Variants in BTBD9 observed in about 807,000 individuals in gnomAD.
The protein encoded by BTBD9 is BTB domain containing 9, also known as BTB/POZ domain-containing protein 9.
In BTBD9, 49 loss-of-function variants were observed where a neutral mutation model predicts 64.3. That is an observed-to-expected ratio of 0.76 (90% CI 0.61 to 0.97). The LOEUF is 0.97. Ranked by LOEUF, BTBD9 falls within the 50% of genes least tolerant of loss-of-function variation. BTBD9 has a pLI of 0.00. For synonymous variants in BTBD9, 260 were observed against 274.7 expected, an observed-to-expected ratio of 0.95 and a Z score of 0.53; for missense variants, 598 against 762.1, an observed-to-expected ratio of 0.78 and a Z score of 2.53.
chr6:38,479,505 T>A (rs1206899307), intron 6 of BTBD9, among the ~76,000 whole-genome samples: 2 of 151,868 alleles, frequency 1.3e-5, no homozygotes, highest in African/African-American at 4.8e-5. Context: ...AAAAAAAAAA[T>A]CCCATTTCTT....
intron 6 of BTBD9, among the ~76,000 whole-genome samples, chr6:38,449,198 A>G (rs540222890): frequency 6.6e-6 from 1 of 152,360 alleles, no homozygotes; most frequent in East Asian, 1.9e-4. Flanking sequence ...AATCACAGGT[A>G]GAAGAGGCAG....
At chr6:38,202,088 T>G (rs6910960) in intron 9 of BTBD9, among the ~76,000 whole-genome samples, 6 of 145,866 alleles carry the variant, frequency 4.1e-5, no homozygotes, top group African/African-American at 1.1e-4. Context: ...TTTTTTTGTT[T>G]TTTTTTTTTT....
chr6:38,587,044 C>T (rs1277629164), intron 4 of BTBD9, among the ~76,000 whole-genome samples: 1 of 143,462 alleles, frequency 7.0e-6, no homozygotes, highest in Admixed American at 7.1e-5. Flanking sequence ...GTGTGGGTGA[C>T]AAGAGTGAGA....
chr6:38,434,736 T>C (rs1407532839), intron 6 of BTBD9, among the ~76,000 whole-genome samples: 1 of 152,014 alleles, frequency 6.6e-6, no homozygotes, highest in Admixed American at 6.5e-5. Flanking sequence ...CTCTCCCTAG[T>C]AGTAGTCTAT....
intron 6 of BTBD9, among the ~76,000 whole-genome samples, chr6:38,357,343 T>C (rs1764765348): frequency 6.6e-6 from 1 of 152,218 alleles, no homozygotes; most frequent in Non-Finnish European, 1.5e-5. Flanking sequence ...CACTTGTTCA[T>C]CTGCTTTACA....
chr6:38,259,439 G>C (rs1190517925), intron 8 of BTBD9, among the ~76,000 whole-genome samples: 1 of 152,114 alleles, frequency 6.6e-6, no homozygotes, highest in Non-Finnish European at 1.5e-5. Context: ...TTCTCTCTCT[G>C]TTGCCCAGGC....
At chr6:38,297,608 C>T (rs1347189372) in intron 7 of BTBD9, among the ~76,000 whole-genome samples, 1 of 152,078 alleles carries the variant, frequency 6.6e-6, no homozygotes, top group Non-Finnish European at 1.5e-5. Flanking sequence ...TTTACATTGT[C>T]TACTATTTCC....
At chr6:38,467,851 C>T (rs977125849) in intron 6 of BTBD9, among the ~76,000 whole-genome samples, 1 of 152,164 alleles carries the variant, frequency 6.6e-6, no homozygotes, top group Admixed American at 6.6e-5. Flanking sequence ...GATTCTATTT[C>T]CAAAATGTCA....
chr6:38,619,072 G>C (rs1436541315), intron 1 of BTBD9, among the ~76,000 whole-genome samples: 1 of 152,122 alleles, frequency 6.6e-6, no homozygotes, highest in Non-Finnish European at 1.5e-5. Flanking sequence ...CATAACTCAG[G>C]GAAAGGAAGA....
At chr6:38,493,591 T>A (rs1771798679) in intron 6 of BTBD9, among the ~76,000 whole-genome samples, 1 of 152,240 alleles carries the variant, frequency 6.6e-6, no homozygotes, top group African/African-American at 2.4e-5. Context: ...TAAAGTGATG[T>A]TAGGAGATTC....
intron 9 of BTBD9, among the ~76,000 whole-genome samples, chr6:38,223,104 A>C (rs1480122556): frequency 6.6e-6 from 1 of 152,028 alleles, no homozygotes. Flanking sequence ...ACAAGGTTTC[A>C]CCATGTTGGC....
At chr6:38,407,098 T>C (rs1408798212) in intron 6 of BTBD9, among the ~76,000 whole-genome samples, 3 of 152,246 alleles carry the variant, frequency 2.0e-5, no homozygotes, top group African/African-American at 7.2e-5. Flanking sequence ...AAAATGTATG[T>C]TGCACCTGAG....
chr6:38,171,215 TTGAC>T lies in BTBD9; in HGVS notation c.*3766_*3769del, dbSNP rs1650594339. On this transcript the variant is annotated 3_prime_UTR_variant, in exon 11 of 11. Coordinates refer to ENST00000481247, the MANE Select transcript of BTBD9 (RefSeq NM_001099272.2). ...CTTCTAAATTAAAAAGAAGGTGAAG[TTGAC>T]TGGGCTGGAGCCATCTGCACAGCAG... The T allele has an allele frequency of 6.6e-6, 1 of 152,216 alleles. No individual in the cohort carries two copies. Among genetic ancestry groups the T allele is most frequent in the South Asian group, 2.1e-4 (1 of 4,830 alleles). 9.4% of individuals were successfully genotyped at this position (152,216 alleles called of 1,614,324 possible).
chr6:38,375,654 T>C (rs968923373), intron 6 of BTBD9, among the ~76,000 whole-genome samples: 1 of 152,168 alleles, frequency 6.6e-6, no homozygotes, highest in African/African-American at 2.4e-5. Flanking sequence ...AATTATTGAA[T>C]AGATTTCTTC....
chr6:38,488,273 A>T (rs981372597), intron 6 of BTBD9, among the ~76,000 whole-genome samples: 1 of 151,978 alleles, frequency 6.6e-6, no homozygotes, highest in Non-Finnish European at 1.5e-5. Flanking sequence ...TTTTTTTTTA[A>T]TATCAACAAC....
At chr6:38,312,710 C>T (rs1256715241) in intron 7 of BTBD9, among the ~76,000 whole-genome samples, 1 of 152,128 alleles carries the variant, frequency 6.6e-6, no homozygotes, top group Non-Finnish European at 1.5e-5. Flanking sequence ...AAAATGAGTT[C>T]ACTGTAGTTG....
At chr6:38,333,563 CA>C (rs993180915) in intron 7 of BTBD9, among the ~76,000 whole-genome samples, 1 of 152,096 alleles carries the variant, frequency 6.6e-6, no homozygotes, top group African/African-American at 2.4e-5. Flanking sequence ...ACAGTTCTCA[CA>C]AGATCTGGTT....
chr6:38,297,234 C>T (rs776468951), intron 7 of BTBD9, among the ~76,000 whole-genome samples: 2 of 152,140 alleles, frequency 1.3e-5, no homozygotes, highest in African/African-American at 2.4e-5. Flanking sequence ...GGCATGGTGG[C>T]GCGCACCTGT....
At chr6:38,213,289 A>C (rs1469045583) in intron 9 of BTBD9, among the ~76,000 whole-genome samples, 1 of 151,544 alleles carries the variant, frequency 6.6e-6, no homozygotes, top group African/African-American at 2.4e-5. Context: ...TTAAAAATAG[A>C]CTCTCCCTCT....
Sources: allele counts gnomAD v4.1 joint callset (sites outside exome capture counted in the v4.1 genomes callset), GRCh38; gene constraint gnomAD v4.1.1; transcripts MANE v1.5; gene names NCBI Gene and HGNC (gene_info 2026-07-23, HGNC 2026-07-21).